The following PKN2 variants were observed in gnomAD, a reference collection of about 807,000 sequenced individuals.
The protein encoded by PKN2 is serine/threonine-protein kinase N2.
Under a neutral mutation model 119.1 loss-of-function variants are expected in PKN2, and 38 were observed. The ratio of observed to expected loss-of-function variants is 0.32; its 90% CI spans 0.25 to 0.42. The LOEUF (loss-of-function observed/expected upper bound fraction) is 0.42, where lower values mean the gene tolerates loss of function less well. Among genes scored for constraint, PKN2 ranks in the 10% least tolerant of loss-of-function variants. The pLI, the probability that PKN2 is intolerant of heterozygous loss-of-function variation, is 1.00. For synonymous variants in PKN2, 390 were observed against 384.9 expected (o/e 1.01, Z -0.15); for missense variants, 850 against 1,165.1 (o/e 0.73, Z 3.94).
At chr1:88,810,841 A>G (rs1377490425) in intron 15 of PKN2, among the ~76,000 whole-genome samples, 1 of 152,030 alleles carries the variant, frequency 6.6e-6, no homozygotes, top group Non-Finnish European at 1.5e-5. Context: ...TCCTGACCTC[A>G]GGTGATCCAC....
chr1:88,795,248 G>C (rs1671014707), intron 8 of PKN2, among the ~76,000 whole-genome samples: 1 of 152,094 alleles, frequency 6.6e-6, no homozygotes, highest in Non-Finnish European at 1.5e-5. Flanking sequence ...TACAGTCTAT[G>C]ATCATTCAAG....
At chr1:88,693,639 G>A (rs1323376932) in intron 1 of PKN2, among the ~76,000 whole-genome samples, 1 of 152,160 alleles carries the variant, frequency 6.6e-6, no homozygotes, top group Non-Finnish European at 1.5e-5. Flanking sequence ...TTGAGCCCAA[G>A]AGTTAAGGCT....
rs527333349 is a variant in PKN2 at position 88,721,257 on chromosome 1, C to G, written c.49-19731C>G. 2.2e-4 allele frequency among the ~76,000 whole-genome samples: 34 copies of G among 152,042 alleles called. No individual in the cohort carries two copies. The South Asian group carries it at 5.6e-3, about 25-fold the overall frequency. On this transcript the variant is annotated intron_variant, in intron 1 of 21. Coordinates refer to ENST00000370521, the MANE Select transcript of PKN2 (RefSeq NM_006256.4). ...TTCCCACCAGCAGTGTAGAAGTGTTCCCTTTTCACCATATCCATACCAACA... is the reference window on the plus strand; with the variant it reads ...TTCCCACCAGCAGTGTAGAAGTGTTGCCTTTTCACCATATCCATACCAACA...
chr1:88,821,857 T>C, intron 16 of PKN2, 84 bp from the exon 17 acceptor site: 1 of 999,852 alleles, frequency 1.0e-6, no homozygotes, highest in South Asian at 1.9e-5. Context: ...TAATGATAGG[T>C]CTGCTTTGAA....
chr1:88,695,273 A>C (rs1488705775), intron 1 of PKN2, among the ~76,000 whole-genome samples: 6 of 152,150 alleles, frequency 3.9e-5, no homozygotes, highest in Admixed American at 1.3e-4. Flanking sequence ...AATATGATTA[A>C]TTAAAATTAA....
chr1:88,727,056 A>G (rs1557569361), intron 1 of PKN2, among the ~76,000 whole-genome samples: 1 of 150,608 alleles, frequency 6.6e-6, no homozygotes, highest in Non-Finnish European at 1.5e-5. Flanking sequence ...ATAATTGTCT[A>G]TTTTTCAATT....
chr1:88,833,260 G>T lies in PKN2; in HGVS notation c.2767G>T (p.Ala923Ser). 3 of 1,613,024 alleles carry T rather than the reference G, an allele frequency of 1.9e-6. No homozygotes were observed. The highest frequency in any genetic ancestry group is 4.5e-5 in the East Asian group (2 of 44,846). ...TATGATCCAGCTAATTGATTGGAGC[G>T]CTCTGATGGACAAAAAAGTAAAGCC... is the stretch of plus-strand genomic sequence containing the variant. ...HPFFRLIDWS[A>S]LMDKKVKPPF... is the part of the protein sequence containing the mutation. The change falls in exon 22 of 22, where the codon GCT (alanine) becomes TCT (serine). Residue 923 changes from alanine to serine, a missense_variant. Around this residue, in one of 9 missense-constraint regions of PKN2, gnomAD observed 95 missense variants for 150.2 expected, o/e 0.63. Transcript: ENST00000370521.
chr1:88,771,368 C>T, intron 4 of PKN2, 53 bp from the exon 5 acceptor site: 1 of 1,409,364 alleles, frequency 7.1e-7, no homozygotes, highest in African/African-American at 1.4e-5. Context: ...TTAATCACTG[C>T]AAATTGGAAA....
At chr1:88,799,579 A>G (rs1671225700) in intron 8 of PKN2, among the ~76,000 whole-genome samples, 1 of 152,204 alleles carries the variant, frequency 6.6e-6, no homozygotes, top group Non-Finnish European at 1.5e-5. Context: ...AGGAAAGGAA[A>G]GTCGCAGTGT....
chr1:88,815,009 C>A (rs1671927968), intron 16 of PKN2, among the ~76,000 whole-genome samples: 1 of 152,082 alleles, frequency 6.6e-6, no homozygotes, highest in Non-Finnish European at 1.5e-5. Context: ...GGGGTTAATT[C>A]TAATGGGTAC....
At chr1:88,750,176 G>C (rs367623749) in intron 2 of PKN2, among the ~76,000 whole-genome samples, 1 of 152,186 alleles carries the variant, frequency 6.6e-6, no homozygotes, top group South Asian at 2.1e-4. Context: ...GGCCATCTAA[G>C]TTTGAACATG....
intron 8 of PKN2, among the ~76,000 whole-genome samples, chr1:88,787,457 G>C (rs1163828040): frequency 1.3e-5 from 2 of 152,152 alleles, no homozygotes; most frequent in African/African-American, 4.8e-5. Flanking sequence ...ATCCAGGTTA[G>C]TTACATACCA....
intron 2 of PKN2, among the ~76,000 whole-genome samples, chr1:88,742,930 C>A (rs1171833434): frequency 6.6e-6 from 1 of 152,076 alleles, no homozygotes; most frequent in Middle Eastern, 3.2e-3. Context: ...GTGGCTCGTG[C>A]CTATAATCCT....
At chr1:88,718,435 G>A (rs1667543930) in intron 1 of PKN2, among the ~76,000 whole-genome samples, 2 of 152,230 alleles carry the variant, frequency 1.3e-5, no homozygotes, top group South Asian at 4.1e-4. Context: ...GGTCTACAGA[G>A]GCAGGCAGGC....
chr1:88,716,884 T>C (rs866769346), intron 1 of PKN2, among the ~76,000 whole-genome samples: 1 of 152,250 alleles, frequency 6.6e-6, no homozygotes, highest in Non-Finnish European at 1.5e-5. Flanking sequence ...AGTTTCTTCC[T>C]ATCATCGATG....
At chr1:88,830,982 C>T (rs1393691777) in intron 19 of PKN2, among the ~76,000 whole-genome samples, 7 of 151,848 alleles carry the variant, frequency 4.6e-5, no homozygotes, top group Admixed American at 3.3e-4. Context: ...GTAAACTCAC[C>T]GGATATATTA....
chr1:88,746,062 T>C (rs1424065924), intron 2 of PKN2, among the ~76,000 whole-genome samples: 1 of 152,178 alleles, frequency 6.6e-6, no homozygotes. Context: ...CTTACCCTTA[T>C]ACGTAATACC....
intron 16 of PKN2, among the ~76,000 whole-genome samples, chr1:88,819,736 T>C (rs1251038990): frequency 1.3e-5 from 2 of 152,088 alleles, no homozygotes; most frequent in African/African-American, 2.4e-5. Context: ...CTGTTCACAA[T>C]AGCAAAGACT....
chr1:88,725,491 C>T (rs1022695509), intron 1 of PKN2, among the ~76,000 whole-genome samples: 1 of 152,052 alleles, frequency 6.6e-6, no homozygotes, highest in African/African-American at 2.4e-5. Context: ...CTTGCAGTTC[C>T]CTAATAGCTA....
Sources: allele counts gnomAD v4.1 joint callset (sites outside exome capture counted in the v4.1 genomes callset), GRCh38; gene constraint gnomAD v4.1.1; regional missense constraint gnomAD v4.1.1; transcripts MANE v1.5; gene names NCBI Gene and HGNC (gene_info 2026-07-23, HGNC 2026-07-21).